SEPTIN8: variants seen among roughly 807,000 people sequenced by gnomAD.
SEPTIN8 encodes the protein septin 8, also known as septin-8.
Under a neutral mutation model 53.1 loss-of-function variants are expected in SEPTIN8, and 22 were observed. The ratio of observed to expected loss-of-function variants is 0.41; its 90% confidence interval spans 0.30 to 0.59. The LOEUF (loss-of-function observed/expected upper bound fraction) is 0.59. Among genes scored for constraint, SEPTIN8 ranks in the 20% least tolerant of loss-of-function variants. The pLI is 0.24. For missense variants in SEPTIN8, 536 were observed against 638.7 expected, an observed-to-expected ratio of 0.84 and a Z score of 1.73; for synonymous variants, 228 against 248.4, an observed-to-expected ratio of 0.92 and a Z score of 0.77.
Position 132,761,977 on chromosome 5 carries a change from A to G in SEPTIN8, c.697-81T>C. On this transcript the variant is annotated intron_variant, in intron 5 of 9. Transcript: ENST00000378719. The surrounding 1 kb of genome is among the most constrained non-coding windows in gnomAD (Gnocchi z 5.8). ...CTCTCCCTCCCTGCCCCTGGGTCCT[A>G]GGGAGGGGCAGCCAGACCTGAACAA... 4.0e-6 allele frequency: 5 copies of G among 1,259,868 alleles called. No homozygotes were observed. The highest frequency in any genetic ancestry group is 5.5e-6 in the Non-Finnish European group (5 of 906,314). 78.0% of individuals were successfully genotyped at this position (1,259,868 alleles called of 1,614,324 possible).
intron 1 of SEPTIN8, among the ~76,000 whole-genome samples, chr5:132,771,491 T>G (rs1437079543): frequency 1.3e-5 from 2 of 152,160 alleles, no homozygotes; most frequent in Non-Finnish European, 2.9e-5. Context: ...TGGGCTCCCA[T>G]GCCTAGCACC....
Position 132,761,816 on chromosome 5 carries a change from G to T in SEPTIN8, c.777C>A (p.Pro259=). 1 of 1,609,000 alleles carries T rather than the reference G, an allele frequency of 6.2e-7. No individual in the cohort carries two copies. The highest frequency in any genetic ancestry group is 2.2e-5 in the East Asian group (1 of 44,712). ...CACACTCACCCTGCACCACTCCCCA[G>T]GGGTACTGCCGTGCTCGGACCAGCT... is the stretch of plus-strand genomic sequence containing the variant. The part of the protein sequence containing the change: ...GNKLVRARQY[P]WGVVQVENEN... Residue 259 remains proline, a synonymous_variant, in exon 6 of 10, where the codon CCC becomes CCA. Coordinates refer to ENST00000378719, the MANE Select transcript of SEPTIN8 (RefSeq NM_001098811.2). This position sits in a 1 kb window ranked among gnomAD's most constrained non-coding sequence, Gnocchi z 5.8.
chr5:132,756,689 TCAGACCAGAAAACA>T (rs1755373048), intron 9 of SEPTIN8: 1 of 985,456 alleles, frequency 1.0e-6, no homozygotes, highest in Non-Finnish European at 1.2e-6. Context: ...TGGAGGCAGC[TCAGACCAGAAAACA>T]CAAGTCTGTC....
At chr5:132,756,356 T>C (rs577289869) in intron 9 of SEPTIN8, 5 of 982,308 alleles carry the variant, frequency 5.1e-6, no homozygotes, top group South Asian at 4.7e-5. Context: ...CCTTTCTCTC[T>C]CAATAGTCCC....
intron 9 of SEPTIN8, chr5:132,756,197 A>G: frequency 1.0e-6 from 1 of 985,436 alleles, no homozygotes; most frequent in Non-Finnish European, 1.2e-6. Flanking sequence ...GGGAGCCCAC[A>G]TTTACACATA....
intron 9 of SEPTIN8, chr5:132,758,829 A>G: frequency 2.5e-6 from 4 of 1,612,622 alleles, no homozygotes; most frequent in Non-Finnish European, 3.4e-6. Context: ...CGTTAACTGA[A>G]AAATAAAAAT....
intron 9 of SEPTIN8, chr5:132,757,377 C>A (rs1755440561): frequency 2.0e-6 from 2 of 985,454 alleles, no homozygotes; most frequent in African/African-American, 1.7e-5. Context: ...CTCCACTTCT[C>A]CCTGAGCAGA....
In SEPTIN8 at chr5:132,754,322, A is replaced by G. The variant is rs140498928; in HGVS notation, c.1287-2141T>C. 568 of 697,886 alleles carry G rather than the reference A, an allele frequency of 8.1e-4. 2 individuals carry two copies. Among genetic ancestry groups the G allele is most frequent in the Non-Finnish European group, 1.3e-3 (505 of 375,232 alleles). 43.2% of individuals were successfully genotyped at this position (697,886 alleles called of 1,614,324 possible). A position where few individuals can be genotyped will look rare whatever the true frequency, so the allele number is the denominator to read the frequency against. On this transcript the variant is annotated intron_variant, in intron 9 of 9. Coordinates refer to ENST00000378719, the MANE Select transcript of SEPTIN8 (RefSeq NM_001098811.2). ...TGAGGCCATGCTGCTCACAGCTTCC[A>G]GTGGTGGCCGTTGAGTGCCCTCTGC...
intron 2 of SEPTIN8, among the ~76,000 whole-genome samples, chr5:132,764,664 G>A (rs1193330190): frequency 6.6e-6 from 1 of 152,256 alleles, no homozygotes; most frequent in Non-Finnish European, 1.5e-5. Flanking sequence ...ATAGCTGTGT[G>A]TGATATGTGA....
At chr5:132,753,058 C>A in intron 9 of SEPTIN8, 2 of 1,082,502 alleles carry the variant, frequency 1.8e-6, no homozygotes, top group Non-Finnish European at 2.8e-6. Context: ...TGTTATGAAT[C>A]CTGTAAAAAG....
intron 1 of SEPTIN8, chr5:132,774,106 G>A (rs1009683329): frequency 6.0e-6 from 1 of 165,920 alleles, no homozygotes; most frequent in African/African-American, 2.4e-5. Context: ...TCATTTGGGT[G>A]CGGGCTCTCA....
At chr5:132,770,109 G>GTATATATATATATATATGTA (rs376943829) in intron 1 of SEPTIN8, among the ~76,000 whole-genome samples, 2 of 80,800 alleles carry the variant, frequency 2.5e-5, no homozygotes. Context: ...ATGTATATAT[G>GTATATATATATATATATGTA]TATATATATA....
Position 132,761,728 on chromosome 5 carries a change from G to C in SEPTIN8, c.793+72C>G. Reference sequence around the variant, plus strand: ...TGGGCATGAGGAGGAAACAGCACAGGGTACTACAGGCAGCAGGGCAGGCCA... The same window carrying C: ...TGGGCATGAGGAGGAAACAGCACAGCGTACTACAGGCAGCAGGGCAGGCCA... On this transcript the variant is annotated intron_variant, in intron 6 of 9. Transcript: ENST00000378719. The surrounding 1 kb of genome is among the most constrained non-coding windows in gnomAD (Gnocchi z 5.8). 1 of 1,583,882 alleles carries C rather than the reference G, an allele frequency of 6.3e-7. No individual in the cohort carries two copies. The highest frequency in any genetic ancestry group is 8.6e-7 in the Non-Finnish European group (1 of 1,161,334).
At chr5:132,771,127 C>A (rs1453771025) in intron 1 of SEPTIN8, among the ~76,000 whole-genome samples, 1 of 152,206 alleles carries the variant, frequency 6.6e-6, no homozygotes, top group East Asian at 1.9e-4. Context: ...TCTGTCTGAG[C>A]CTCCTAGAGC....
rs1369074320 is a variant in SEPTIN8 at position 132,761,443 on chromosome 5, G to C, written c.962+15C>G. ...ACAGCTGTGAAGACAGGCTCACTCT[G>C]GCTCAGGCTGTCACCTGAAGGGCTG... On this transcript the variant is annotated intron_variant, in intron 7 of 9. Coordinates refer to ENST00000378719, the MANE Select transcript of SEPTIN8 (RefSeq NM_001098811.2). The surrounding 1 kb of genome is among the most constrained non-coding windows in gnomAD (Gnocchi z 5.8). 3.1e-6 allele frequency: 5 copies of C among 1,605,090 alleles called. No homozygotes were observed. The highest frequency in any genetic ancestry group is 4.2e-6 in the Non-Finnish European group (5 of 1,176,908).
At chr5:132,757,451 G>A (rs1755446580) in intron 9 of SEPTIN8, 1 of 985,336 alleles carries the variant, frequency 1.0e-6, no homozygotes, top group South Asian at 4.7e-5. Context: ...ATGCAAGCCA[G>A]ACAGAAAGGG....
At chr5:132,754,563 G>C (rs773780775) in intron 9 of SEPTIN8, 3 of 716,446 alleles carry the variant, frequency 4.2e-6, no homozygotes, top group Non-Finnish European at 7.8e-6. Context: ...CTAGGACTGG[G>C]GTAAGAGACA....
At chr5:132,757,318 A>C (rs965073397) in intron 9 of SEPTIN8, 9 of 985,454 alleles carry the variant, frequency 9.1e-6, no homozygotes, top group Non-Finnish European at 1.1e-5. Context: ...CTCACAGGTA[A>C]AGGCTGCCTC....
chr5:132,756,167 T>TA, intron 9 of SEPTIN8: 1 of 985,440 alleles, frequency 1.0e-6, no homozygotes, highest in East Asian at 1.1e-4. Flanking sequence ...AGGCCTCGTA[T>TA]CCATGAGCCC....
Sources: allele counts gnomAD v4.1 joint callset (sites outside exome capture counted in the v4.1 genomes callset), GRCh38; gene constraint gnomAD v4.1.1; non-coding constraint Gnocchi (gnomAD v3.1); transcripts MANE v1.5; gene names NCBI Gene and HGNC (gene_info 2026-07-23, HGNC 2026-07-21).